CTIF: variants seen among roughly 807,000 people sequenced by gnomAD.
CTIF encodes CBP80/20-dependent translation initiation factor.
In CTIF, 21 loss-of-function variants were observed where a neutral mutation model predicts 66.0. The observed-to-expected ratio is 0.32, with a 90% CI of 0.23 to 0.46. The LOEUF (loss-of-function observed/expected upper bound fraction) is 0.46, where lower values mean the gene tolerates loss of function less well. Ranked by LOEUF, CTIF falls within the 20% of genes least tolerant of loss-of-function variation. The pLI is 1.00. For synonymous variants in CTIF, 345 were observed against 326.4 expected (o/e 1.06, Z -0.62); for missense variants, 739 against 812.7 (o/e 0.91, Z 1.10).
In CTIF at chr18:48,543,206, A is replaced by G. The variant is rs969984727; in HGVS notation, c.-29+3894A>G. On this transcript the variant is annotated intron_variant, in intron 1 of 11. Transcript: ENST00000256413. ...CAGGTCATGAAGGAGGAGGCAGGAGATGGGTGGTTAGGTTGGAGAGAGAAT... is the reference window on the plus strand; with the variant it reads ...CAGGTCATGAAGGAGGAGGCAGGAGGTGGGTGGTTAGGTTGGAGAGAGAAT... 2.0e-5 allele frequency among the ~76,000 whole-genome samples: 3 copies of G among 152,046 alleles called. No individual in the cohort carries two copies. In the South Asian group the frequency reaches 6.2e-4, roughly 32 times the overall value.
intron 1 of CTIF, among the ~76,000 whole-genome samples, chr18:48,584,674 T>G (rs1425857352): frequency 6.6e-6 from 1 of 152,190 alleles, no homozygotes; most frequent in African/African-American, 2.4e-5. Flanking sequence ...CGATGTTCAG[T>G]GCAGGCCTCC....
At chr18:48,797,524 C>G (rs950240964) in intron 9 of CTIF, among the ~76,000 whole-genome samples, 1 of 150,586 alleles carries the variant, frequency 6.6e-6, no homozygotes, top group African/African-American at 2.5e-5. Flanking sequence ...GAGTTCTGAT[C>G]CCTTGAACTG....
Position 48,606,628 on chromosome 18 carries a change from A to G in CTIF, c.-28-12910A>G, listed in dbSNP as rs139109563. Among the ~76,000 whole-genome samples the G allele has an allele frequency of 6.8e-3, 1,037 of 152,284 alleles. 6 individuals are homozygous for G. The highest frequency in any genetic ancestry group is 0.011 in the Non-Finnish European group (774 of 68,026). The stretch of plus-strand genomic sequence containing the variant: ...AAGGCTTGATCTGGAGCAGTTTCCA[A>G]TGCCCACTCCAGGAGGGACGACAGG... On this transcript the variant is annotated intron_variant, in intron 1 of 11. Transcript: ENST00000256413.
Position 48,758,066 on chromosome 18 carries a change from C to T in CTIF, c.732C>T (p.Tyr244=), listed in dbSNP as rs763418953. The change falls in exon 8 of 12, where the codon TAC becomes TAT. Residue 244 remains tyrosine, a synonymous_variant. Transcript: ENST00000256413. ...CAGGGAGGCCCACTCACCATGGCTA[C>T]AGCCAGAACCGGCGCTGGCACCATG... The part of the protein sequence containing the change: ...HPSGRPTHHG[Y]SQNRRWHHGN... The T allele has an allele frequency of 8.7e-6, 14 of 1,614,116 alleles. No individual in the cohort carries two copies. In the East Asian group the frequency reaches 2.5e-4, roughly 28 times the overall value.
At chr18:48,606,096 G>A (rs2090195197) in intron 1 of CTIF, among the ~76,000 whole-genome samples, 2 of 152,194 alleles carry the variant, frequency 1.3e-5, no homozygotes, top group African/African-American at 4.8e-5. Flanking sequence ...ACAAGGTAGT[G>A]GATATGGCTT....
chr18:48,782,673 G>A (rs1412186410), intron 9 of CTIF, among the ~76,000 whole-genome samples: 1 of 152,226 alleles, frequency 6.6e-6, no homozygotes. Flanking sequence ...GAGGCTCTGG[G>A]AAGCTGCAGG....
intron 7 of CTIF, among the ~76,000 whole-genome samples, chr18:48,732,782 T>A (rs934689307): frequency 6.6e-6 from 1 of 152,148 alleles, no homozygotes; most frequent in Non-Finnish European, 1.5e-5. Flanking sequence ...TCCCCAGCCA[T>A]GCCACGGAGG....
chr18:48,702,943 A>G (rs751792382), intron 6 of CTIF, among the ~76,000 whole-genome samples: 6 of 151,558 alleles, frequency 4.0e-5, no homozygotes, highest in Non-Finnish European at 8.8e-5. Context: ...CATGACCCCC[A>G]GCAGGAGGAA....
chr18:48,780,681 G>A (rs1911120520), intron 9 of CTIF, among the ~76,000 whole-genome samples: 1 of 152,222 alleles, frequency 6.6e-6, no homozygotes, highest in Non-Finnish European at 1.5e-5. Flanking sequence ...GTGCTGGGCT[G>A]TCTCAGCCAC....
intron 7 of CTIF, among the ~76,000 whole-genome samples, chr18:48,717,401 A>AT (rs1568160990): frequency 1.8e-4 from 26 of 143,792 alleles, no homozygotes; most frequent in Non-Finnish European, 2.5e-4. Context: ...TCTGTCTTTA[A>AT]AAAATAAATA....
chr18:48,621,050 A>G (rs773949072), intron 2 of CTIF, among the ~76,000 whole-genome samples: 8 of 152,154 alleles, frequency 5.3e-5, no homozygotes, highest in Non-Finnish European at 1.0e-4. Context: ...GCAAGCTTAT[A>G]ATTTGTTTGT....
intron 9 of CTIF, among the ~76,000 whole-genome samples, chr18:48,812,644 C>T (rs996523490): frequency 1.3e-5 from 2 of 151,684 alleles, no homozygotes; most frequent in Admixed American, 6.6e-5. Context: ...GTCCCAGCTA[C>T]TCAGGAAGCT....
rs139188109 is a variant in CTIF at position 48,604,988 on chromosome 18, T to C, written c.-28-14550T>C. Among the ~76,000 whole-genome samples, 318 of 152,348 alleles carry C rather than the reference T, an allele frequency of 2.1e-3. 1 individual carries two copies. The highest frequency in any genetic ancestry group is 7.3e-3 in the African/African-American group (304 of 41,578). On this transcript the variant is annotated intron_variant, in intron 1 of 11. Transcript: ENST00000256413. Reference sequence around the variant, plus strand: ...CTTCTAATGGCTGAGTAATATTCCATTGCATGCATAGTTCATATTTTGTTA... The same window carrying C: ...CTTCTAATGGCTGAGTAATATTCCACTGCATGCATAGTTCATATTTTGTTA...
At chr18:48,614,420 T>C (rs943440277) in intron 1 of CTIF, among the ~76,000 whole-genome samples, 2 of 152,228 alleles carry the variant, frequency 1.3e-5, no homozygotes, top group African/African-American at 4.8e-5. Context: ...AAAGCAGCAT[T>C]ATTCACAACA....
chr18:48,574,748 T>TC (rs2089492406), intron 1 of CTIF, among the ~76,000 whole-genome samples: 1 of 151,316 alleles, frequency 6.6e-6, no homozygotes, highest in South Asian at 2.1e-4. Flanking sequence ...GGCGACTATC[T>TC]CGTCCCCTAG....
At chr18:48,710,411 C>A (rs914317769) in intron 6 of CTIF, among the ~76,000 whole-genome samples, 1 of 152,200 alleles carries the variant, frequency 6.6e-6, no homozygotes, top group Non-Finnish European at 1.5e-5. Context: ...ACCCAGGTGT[C>A]CCAGGTCCAA....
chr18:48,642,172 C>T (rs1033888900), intron 3 of CTIF, among the ~76,000 whole-genome samples: 17 of 152,264 alleles, frequency 1.1e-4, no homozygotes, highest in Middle Eastern at 3.4e-3. Context: ...CCAGCAGATG[C>T]GTCTGAGTGG....
chr18:48,546,400 T>A (rs558008087), intron 1 of CTIF, among the ~76,000 whole-genome samples: 2 of 152,244 alleles, frequency 1.3e-5, no homozygotes, highest in African/African-American at 4.8e-5. Flanking sequence ...AAGGTTTCCA[T>A]AAGCACGTCC....
Position 48,820,453 on chromosome 18 carries a change from C to G in CTIF, c.1527+3077C>G, listed in dbSNP as rs1201825709. Among the ~76,000 whole-genome samples, 3 of 152,144 alleles carry G rather than the reference C, an allele frequency of 2.0e-5. No homozygotes were observed. In the East Asian group the frequency reaches 5.8e-4, roughly 29 times the overall value. On this transcript the variant is annotated intron_variant, in intron 10 of 11. Transcript: ENST00000256413. ...CTGGGGCCATGTAGATGTCTGACCC[C>G]AAATCCACAGCACCCACTTTGCCCT...
Sources: allele counts gnomAD v4.1 joint callset (sites outside exome capture counted in the v4.1 genomes callset), GRCh38; gene constraint gnomAD v4.1.1; transcripts MANE v1.5; gene names NCBI Gene and HGNC (gene_info 2026-07-23, HGNC 2026-07-21).